AKAP8L: variants seen among roughly 807,000 people sequenced by gnomAD.
AKAP8L encodes the protein A-kinase anchoring protein 8 like, also known as A-kinase anchor protein 8-like.
Under a neutral mutation model 77.5 loss-of-function variants are expected in AKAP8L, and 34 were observed. The observed-to-expected ratio is 0.44, with a 90% confidence interval of 0.33 to 0.58. AKAP8L has a LOEUF of 0.58. AKAP8L is among the 20% of genes least tolerant of loss of function. The pLI, the probability that AKAP8L is intolerant of heterozygous loss-of-function variation, is 0.02. For missense variants in AKAP8L, 806 were observed against 887.6 expected, an observed-to-expected ratio of 0.91 and a Z score of 1.17; for synonymous variants, 342 against 340.7, an observed-to-expected ratio of 1.00 and a Z score of -0.04.
At position 15,399,606 on chromosome 19, in the gene AKAP8L, G is replaced by A. The variant is rs1383827307; in HGVS notation, c.1049-196C>T. Reference sequence around the variant, plus strand: ...GTGGGTTTGGCCTAGGCCCCAAGGAGTGGGGGCCAGGCGATGACCCCTCCA... The same window carrying A: ...GTGGGTTTGGCCTAGGCCCCAAGGAATGGGGGCCAGGCGATGACCCCTCCA... On this transcript the variant is annotated intron_variant, in intron 8 of 13. Coordinates refer to ENST00000397410, the MANE Select transcript of AKAP8L (RefSeq NM_014371.4). The surrounding 1 kb of genome is among the most constrained non-coding windows in gnomAD (Gnocchi z 6.1). 48 of 594,434 alleles carry A rather than the reference G, an allele frequency of 8.1e-5. 1 individual carries two copies. The South Asian group carries it at 8.5e-4, about 11-fold the overall frequency. 36.8% of individuals were successfully genotyped at this position (594,434 alleles called of 1,614,324 possible).
At chr19:15,411,519 G>A (rs954647859) in intron 1 of AKAP8L, among the ~76,000 whole-genome samples, 1 of 151,780 alleles carries the variant, frequency 6.6e-6, no homozygotes, top group Non-Finnish European at 1.5e-5. Flanking sequence ...AGCTACTTGG[G>A]AGGCTGAGGT....
intron 12 of AKAP8L, among the ~76,000 whole-genome samples, chr19:15,395,440 C>T (rs537861517): frequency 7.9e-5 from 12 of 151,810 alleles, no homozygotes; most frequent in East Asian, 2.0e-4. Context: ...CTTGGCCTCC[C>T]GAGTAGCTGG....
rs868320631 is a variant in AKAP8L, at chr19:15,387,981, G to C, written c.1537-7369C>G. ...TCTGGGAGAGGGGGCGGGGAGGGGA[G>C]GGGAAAAAAATCCCTATAAAGGAGC... On this transcript the variant is annotated intron_variant, in intron 12 of 13. Coordinates refer to ENST00000397410, the MANE Select transcript of AKAP8L (RefSeq NM_014371.4). Among the ~76,000 whole-genome samples the C allele has an allele frequency of 6.6e-5, 10 of 151,862 alleles. 2 individuals carry two copies. Among genetic ancestry groups the C allele is most frequent in the African/African-American group, 2.4e-4 (10 of 41,398 alleles).
intron 12 of AKAP8L, among the ~76,000 whole-genome samples, chr19:15,395,933 G>A (rs1475602761): frequency 3.4e-5 from 4 of 116,594 alleles, no homozygotes; most frequent in East Asian, 3.2e-4. Flanking sequence ...GCAGTGAGCC[G>A]AGATCGCGCC....
chr19:15,387,146 G>C (rs1967555838), intron 12 of AKAP8L, among the ~76,000 whole-genome samples: 1 of 152,350 alleles, frequency 6.6e-6, no homozygotes, highest in South Asian at 2.1e-4. Flanking sequence ...TCATAAAGCA[G>C]AGGTCCCATG....
intron 12 of AKAP8L, among the ~76,000 whole-genome samples, chr19:15,390,080 C>G (rs1967629170): frequency 6.6e-6 from 1 of 151,722 alleles, no homozygotes; most frequent in African/African-American, 2.4e-5. Flanking sequence ...TGAATATACC[C>G]TATAACAAGT....
At chr19:15,416,073 T>C (rs1005889589) in intron 1 of AKAP8L, among the ~76,000 whole-genome samples, 3 of 151,898 alleles carry the variant, frequency 2.0e-5, no homozygotes, top group Middle Eastern at 6.4e-3. Context: ...GCAATCTTCC[T>C]GCCTCGGCCT....
At chr19:15,389,235 GA>G (rs1285680371) in intron 12 of AKAP8L, among the ~76,000 whole-genome samples, 1,157 of 83,910 alleles carry the variant, frequency 0.014, 4 homozygotes, top group African/African-American at 0.033. Context: ...AAAAAAAAAA[GA>G]AAAAAAAAAA....
chr19:15,398,522 T>C lies in AKAP8L; in HGVS notation c.1158-667A>G. On this transcript the variant is annotated intron_variant, in intron 9 of 13. Coordinates refer to ENST00000397410, the MANE Select transcript of AKAP8L (RefSeq NM_014371.4). This position sits in a 1 kb window ranked among gnomAD's most constrained non-coding sequence, Gnocchi z 9.2. ...CTGGGCGAGGTGCTCTGTCTGGGCC[T>C]GGTGTCCACAGTAGAAGCCCGGGGT... The C allele has an allele frequency of 1.0e-6, 1 of 956,756 alleles. No homozygotes were observed. The highest frequency in any genetic ancestry group is 1.2e-6 in the Non-Finnish European group (1 of 803,404). 59.3% of individuals were successfully genotyped at this position (956,756 alleles called of 1,614,324 possible). A position where few individuals can be genotyped will look rare whatever the true frequency, so the allele number is the denominator to read the frequency against.
At chr19:15,384,931 C>A (rs535242740) in intron 12 of AKAP8L, among the ~76,000 whole-genome samples, 1 of 151,126 alleles carries the variant, frequency 6.6e-6, no homozygotes, top group Non-Finnish European at 1.5e-5. Context: ...AGTGCAGTGG[C>A]GCGATATCAG....
chr19:15,391,732 G>T lies in AKAP8L; in HGVS notation c.1536+5418C>A, dbSNP rs547674098. 2.6e-5 allele frequency among the ~76,000 whole-genome samples: 4 copies of T among 151,462 alleles called. No homozygotes were observed. In the East Asian group the frequency reaches 8.0e-4, roughly 30 times the overall value. On this transcript the variant is annotated intron_variant, in intron 12 of 13. Transcript: ENST00000397410. ...TTTTTGTATTTTTAGTAGAGACGGG[G>T]TTTCACCATGTTAGCCAGGATGGTC...
Position 15,414,890 on chromosome 19 carries a change from C to T in AKAP8L, c.13+4021G>A, listed in dbSNP as rs932624691. On this transcript the variant is annotated intron_variant, in intron 1 of 13. Coordinates refer to ENST00000397410, the MANE Select transcript of AKAP8L (RefSeq NM_014371.4). ...CACTGCTCACTGTGGCCTCAGCCTC[C>T]GGGGCTCAAGTGATCCTCCTACTTC... is the stretch of plus-strand genomic sequence containing the variant. 5.9e-5 allele frequency among the ~76,000 whole-genome samples: 9 copies of T among 152,320 alleles called. No homozygotes were observed. In the East Asian group the frequency reaches 9.6e-4, roughly 16 times the overall value.
At position 15,406,087 on chromosome 19, in the gene AKAP8L, C is replaced by T. The variant is rs150533499; in HGVS notation, c.89-2045G>A. Among the ~76,000 whole-genome samples the T allele has an allele frequency of 4.8e-3, 725 of 152,244 alleles. 4 individuals are homozygous for T. The highest frequency in any genetic ancestry group is 0.017 in the Middle Eastern group (5 of 294). ...CAACGAAAGGAAGCAGCATCAACTC[C>T]GTGAACACCACTTTACGTTTTAAGG... On this transcript the variant is annotated intron_variant, in intron 2 of 13. Coordinates refer to ENST00000397410, the MANE Select transcript of AKAP8L (RefSeq NM_014371.4).
Position 15,403,928 on chromosome 19 carries a change from T to G in AKAP8L, c.121+82A>C, listed in dbSNP as rs2145137050. The G allele has an allele frequency of 3.2e-6, 5 of 1,552,598 alleles. No homozygotes were observed. In the East Asian group the frequency reaches 1.1e-4, roughly 35 times the overall value. ...ACATGCCCCCTCCCCACTCCCAACC[T>G]TGGCCAAGCAGGGCAGTGGCAGAGA... is the stretch of plus-strand genomic sequence containing the variant. On this transcript the variant is annotated intron_variant, in intron 3 of 13. Coordinates refer to ENST00000397410, the MANE Select transcript of AKAP8L (RefSeq NM_014371.4). This position sits in a 1 kb window ranked among gnomAD's most constrained non-coding sequence, Gnocchi z 4.3.
intron 2 of AKAP8L, among the ~76,000 whole-genome samples, chr19:15,406,287 C>T (rs1213825823): frequency 6.8e-6 from 1 of 147,062 alleles, no homozygotes; most frequent in East Asian, 2.0e-4. Flanking sequence ...CAAGACCTGC[C>T]CTTTCTGAAA....
chr19:15,386,688 A>G (rs1247216462), intron 12 of AKAP8L, among the ~76,000 whole-genome samples: 1 of 151,854 alleles, frequency 6.6e-6, no homozygotes, highest in Non-Finnish European at 1.5e-5. Flanking sequence ...TTGGAGTTTC[A>G]CTCTTGGTTG....
chr19:15,380,859 C>G, intron 12 of AKAP8L: 1 of 522,360 alleles, frequency 1.9e-6, no homozygotes, highest in Non-Finnish European at 3.4e-6. Flanking sequence ...TCTAACTTTA[C>G]GGCTGTATTA....
chr19:15,418,847 G>T, intron 1 of AKAP8L, 64 bp downstream of exon 1: 1 of 1,521,952 alleles, frequency 6.6e-7, no homozygotes, highest in South Asian at 1.1e-5. Context: ...CAAGCCTGGT[G>T]CGGCATCCGC....
At chr19:15,387,496 C>CTT (rs796143582) in intron 12 of AKAP8L, among the ~76,000 whole-genome samples, 1 of 148,148 alleles carries the variant, frequency 6.8e-6, no homozygotes, top group African/African-American at 2.5e-5. Flanking sequence ...TAGCTTTGTC[C>CTT]TTTTTTTTTT....
Sources: gnomAD v4.1 joint callset for allele counts (sites outside exome capture counted in the v4.1 genomes callset) on GRCh38, gnomAD v4.1.1 for gene constraint, Gnocchi (gnomAD v3.1) non-coding constraint, MANE v1.5 for transcripts, NCBI Gene and HGNC (gene_info 2026-07-23, HGNC 2026-07-21) for gene names.